Variants in MBOAT2 observed in about 807,000 individuals in gnomAD.
The protein encoded by MBOAT2 is membrane bound glycerophospholipid O-acyltransferase 2.
MBOAT2 carries 28 observed loss-of-function variants against 63.4 expected under a neutral mutation model. That is an observed-to-expected ratio of 0.44 (90% CI 0.33 to 0.61). The LOEUF (loss-of-function observed/expected upper bound fraction) is 0.61, where lower values mean the gene tolerates loss of function less well. Among genes scored for constraint, MBOAT2 ranks in the 20% least tolerant of loss-of-function variants. The pLI is 0.03. For synonymous variants in MBOAT2, 211 were observed against 215.6 expected (o/e 0.98, Z 0.19); for missense variants, 470 against 605.8 (o/e 0.78, Z 2.35).
At chr2:8,965,970 T>A (rs192842890) in intron 1 of MBOAT2, among the ~76,000 whole-genome samples, 1 of 152,136 alleles carries the variant, frequency 6.6e-6, no homozygotes, top group African/African-American at 2.4e-5. Context: ...AAAAAATCAA[T>A]TGTTACATCC....
chr2:8,874,552 G>A (rs576894520), intron 7 of MBOAT2, among the ~76,000 whole-genome samples: 1 of 152,264 alleles, frequency 6.6e-6, no homozygotes, highest in East Asian at 1.9e-4. Context: ...GTAGGGCAGG[G>A]ATATGGTGCT....
intron 2 of MBOAT2, 73 bp from the exon 3 acceptor site, chr2:8,943,337 A>G: frequency 1.1e-6 from 1 of 881,754 alleles, no homozygotes; most frequent in Non-Finnish European, 1.7e-6. Context: ...AATTAAGCTA[A>G]AAAATACTTA....
At chr2:8,926,692 A>C (rs1666957327) in intron 3 of MBOAT2, among the ~76,000 whole-genome samples, 1 of 152,220 alleles carries the variant, frequency 6.6e-6, no homozygotes, top group Non-Finnish European at 1.5e-5. Flanking sequence ...CAGAGTCTGA[A>C]GCAGAAAAGA....
chr2:8,858,741 T>C lies in MBOAT2; in HGVS notation c.1501A>G (p.Thr501Ala), dbSNP rs16866827. The C allele has an allele frequency of 0.049, 79,212 of 1,613,892 alleles. 2,118 individuals are homozygous for C. The highest frequency in any genetic ancestry group is 0.061 in the Middle Eastern group (370 of 6,062). The change falls in exon 13 of 13, where the codon ACA becomes GCA. Residue 501 changes from threonine to alanine, a missense_variant. Thr to Ala is a moderately conservative substitution (Grantham distance 58). Coordinates refer to ENST00000305997, the MANE Select transcript of MBOAT2 (RefSeq NM_138799.4). ...TGATTCTGATTGCAAACATTGTTTG[T>C]TGTAGAAAAACTGTTCTGTCCCAAA... ...NSLGQNSFST[T>A]NNVCNQNQEI...
intron 3 of MBOAT2, among the ~76,000 whole-genome samples, chr2:8,913,648 G>A (rs1252272171): frequency 6.6e-6 from 1 of 152,194 alleles, no homozygotes; most frequent in Non-Finnish European, 1.5e-5. Flanking sequence ...ACTCCTGCAA[G>A]AATGGTCATA....
chr2:8,985,290 T>A (rs546655767), intron 1 of MBOAT2, among the ~76,000 whole-genome samples: 1 of 152,274 alleles, frequency 6.6e-6, no homozygotes, highest in Admixed American at 6.5e-5. Context: ...TTGATTTAAA[T>A]TTTTTTCATC....
chr2:8,971,360 C>T (rs1302296098), intron 1 of MBOAT2, among the ~76,000 whole-genome samples: 7 of 152,076 alleles, frequency 4.6e-5, no homozygotes, highest in Non-Finnish European at 8.8e-5. Flanking sequence ...ACTGATGGGA[C>T]GTATCTCAAA....
chr2:8,989,202 T>C (rs982363427), intron 1 of MBOAT2, among the ~76,000 whole-genome samples: 4 of 152,280 alleles, frequency 2.6e-5, no homozygotes, highest in Middle Eastern at 3.4e-3. Context: ...CAGGTAATCT[T>C]AGGTAACACA....
At chr2:8,991,790 C>CA (rs1187899287) in intron 1 of MBOAT2, among the ~76,000 whole-genome samples, 2 of 152,132 alleles carry the variant, frequency 1.3e-5, no homozygotes, top group Non-Finnish European at 2.9e-5. Context: ...CCTGTTTTCA[C>CA]AAAAAATCCA....
chr2:8,989,064 G>A (rs1243392874), intron 1 of MBOAT2, among the ~76,000 whole-genome samples: 1 of 152,178 alleles, frequency 6.6e-6, no homozygotes, highest in African/African-American at 2.4e-5. Context: ...ACTGTTGATC[G>A]TTTTCAGGAG....
Position 8,860,632 on chromosome 2 carries a change from G to C in MBOAT2, c.1318C>G (p.Pro440Ala), listed in dbSNP as rs982755029. Residue 440 changes from proline (P) to alanine (A), a missense_variant, in exon 12 of 13, where the codon CCA becomes GCA. This residue lies in a region of MBOAT2 where 4 missense variants were observed against 17.2 expected (regional missense o/e 0.23). Transcript: ENST00000305997. ...ACTTACCTGTAAAACGTGAGTGATG[G>C]TTTTATAGAAAGAAGCACAAATGGC... ...VVPFVLLSIKPSLTFYSSWYY... is the reference protein window; with the variant it reads ...VVPFVLLSIKASLTFYSSWYY... The C allele has an allele frequency of 1.1e-5, 17 of 1,613,050 alleles. No individual in the cohort carries two copies. Among genetic ancestry groups the C allele is most frequent in the Admixed American group, 1.7e-5 (1 of 59,862 alleles).
intron 3 of MBOAT2, among the ~76,000 whole-genome samples, chr2:8,933,669 T>TG (rs1427144614): frequency 6.6e-6 from 1 of 152,318 alleles, no homozygotes; most frequent in Non-Finnish European, 1.5e-5. Context: ...TTGATTAATT[T>TG]GGGGCATTAA....
intron 1 of MBOAT2, among the ~76,000 whole-genome samples, chr2:8,984,412 C>A (rs552799392): frequency 6.6e-6 from 1 of 152,258 alleles, no homozygotes; most frequent in Admixed American, 6.5e-5. Context: ...TACATACATA[C>A]GTTTGTGGTT....
intron 3 of MBOAT2, among the ~76,000 whole-genome samples, chr2:8,915,759 G>C (rs1441510781): frequency 6.6e-6 from 1 of 152,170 alleles, no homozygotes; most frequent in Non-Finnish European, 1.5e-5. Flanking sequence ...TCTTCAAATA[G>C]AAGAATATAC....
intron 3 of MBOAT2, among the ~76,000 whole-genome samples, chr2:8,940,292 T>A (rs1667960109): frequency 1.3e-5 from 2 of 152,076 alleles, no homozygotes. Context: ...TTTTCTTTTT[T>A]TTCCTCTCTC....
intron 2 of MBOAT2, among the ~76,000 whole-genome samples, chr2:8,956,526 C>A (rs1413274471): frequency 6.6e-6 from 1 of 152,102 alleles, no homozygotes; most frequent in Non-Finnish European, 1.5e-5. Context: ...CATAGCAAAA[C>A]TCCACCTCTA....
chr2:8,868,809 G>A (rs1662094669), intron 8 of MBOAT2, among the ~76,000 whole-genome samples: 1 of 152,148 alleles, frequency 6.6e-6, no homozygotes, highest in African/African-American at 2.4e-5. Flanking sequence ...ATAGGTGAAG[G>A]TGAAGACTCG....
At chr2:8,973,165 T>C (rs1670569034) in intron 1 of MBOAT2, among the ~76,000 whole-genome samples, 2 of 152,270 alleles carry the variant, frequency 1.3e-5, no homozygotes, top group South Asian at 4.1e-4. Flanking sequence ...GTGGCACATA[T>C]ACACCATGGA....
In MBOAT2 at chr2:8,978,926, G is replaced by C. The variant is rs372161318; in HGVS notation, c.76-20284C>G. ...TTTTAATTCCTAAGTGTGATGACTG[G>C]GTTTCCACACTCATGTGTGAGATGT... On this transcript the variant is annotated intron_variant, in intron 1 of 12. Transcript: ENST00000305997. Among the ~76,000 whole-genome samples the C allele has an allele frequency of 8.0e-4, 121 of 152,012 alleles. 2 individuals carry two copies. In the South Asian group the frequency reaches 0.024, roughly 30 times the overall value.
Sources: allele counts gnomAD v4.1 joint callset (sites outside exome capture counted in the v4.1 genomes callset), GRCh38; gene constraint gnomAD v4.1.1; regional missense constraint gnomAD v4.1.1; transcripts MANE v1.5; gene names NCBI Gene and HGNC (gene_info 2026-07-23, HGNC 2026-07-21).